LMNTD1: variants seen among roughly 807,000 people sequenced by gnomAD.
LMNTD1 encodes lamin tail domain containing 1, also known as lamin tail domain-containing protein 1.
A neutral mutation model predicts 50.9 loss-of-function variants in LMNTD1; 35 were observed. The observed-to-expected ratio is 0.69, with a 90% confidence interval of 0.53 to 0.91. The LOEUF is 0.91. LMNTD1 is among the 40% of genes least tolerant of loss of function. The pLI is 0.00. For synonymous variants in LMNTD1, 153 were observed against 161.9 expected (o/e 0.94, Z 0.42); for missense variants, 470 against 475.5 (o/e 0.99, Z 0.11).
chr12:25,476,609 G>T (rs1281868961), intron 9 of LMNTD1, 149 bp from the exon 10 acceptor site: 2 of 152,166 alleles, frequency 1.3e-5, no homozygotes, highest in Non-Finnish European at 2.9e-5. Flanking sequence ...TACAGATAAA[G>T]AAATCAAAGA....
intron 4 of LMNTD1, among the ~76,000 whole-genome samples, chr12:25,533,407 C>T (rs1051340192): frequency 1.3e-5 from 2 of 152,160 alleles, no homozygotes; most frequent in Non-Finnish European, 2.9e-5. Context: ...GGCTAAGTCA[C>T]TTTTTAAACA....
intron 4 of LMNTD1, among the ~76,000 whole-genome samples, chr12:25,541,454 A>C (rs943760156): frequency 5.2e-5 from 7 of 135,418 alleles, no homozygotes; most frequent in African/African-American, 1.1e-4. Flanking sequence ...AAACCTGAGA[A>C]AAACAAGCAA....
chr12:25,566,959 T>C (rs757375368), intron 1 of LMNTD1, among the ~76,000 whole-genome samples: 1 of 152,120 alleles, frequency 6.6e-6, no homozygotes, highest in Non-Finnish European at 1.5e-5. Context: ...ATGGAAGAAA[T>C]TGGGAGAATG....
chr12:25,516,574 A>G (rs1940792756), intron 8 of LMNTD1, among the ~76,000 whole-genome samples: 1 of 152,190 alleles, frequency 6.6e-6, no homozygotes, highest in South Asian at 2.1e-4. Context: ...CATCTATCTA[A>G]TATATCTATA....
intron 8 of LMNTD1, among the ~76,000 whole-genome samples, chr12:25,513,591 G>A (rs745829771): frequency 1.2e-4 from 19 of 152,302 alleles, no homozygotes; most frequent in Non-Finnish European, 2.4e-4. Flanking sequence ...AGCTGATACC[G>A]TGCTACTGCA....
At chr12:25,544,789 T>C (rs1943321724) in intron 4 of LMNTD1, among the ~76,000 whole-genome samples, 1 of 151,650 alleles carries the variant, frequency 6.6e-6, no homozygotes, top group Non-Finnish European at 1.5e-5. Flanking sequence ...TTTAAAGAGA[T>C]GAATACTTAC....
chr12:25,521,618 A>G (rs898428964), intron 6 of LMNTD1, among the ~76,000 whole-genome samples: 11 of 152,176 alleles, frequency 7.2e-5, no homozygotes, highest in African/African-American at 2.4e-4. Flanking sequence ...GGTATTGGGA[A>G]CTGCTTTATT....
At chr12:25,505,557 A>T (rs887774827) in intron 8 of LMNTD1, among the ~76,000 whole-genome samples, 72 of 152,130 alleles carry the variant, frequency 4.7e-4, no homozygotes, top group African/African-American at 1.7e-3. Context: ...TTTTAATCTA[A>T]ATTTTCTGAA....
At position 25,539,953 on chromosome 12, in the gene LMNTD1, A is replaced by G. The variant is rs1249474073; in HGVS notation, c.491+6421T>C. Among the ~76,000 whole-genome samples, 91 of 151,606 alleles carry G rather than the reference A, an allele frequency of 6.0e-4. No homozygotes were observed. The South Asian group carries it at 0.017, about 29-fold the overall frequency. On this transcript the variant is annotated intron_variant, in intron 4 of 9. Coordinates refer to ENST00000458174, the MANE Select transcript of LMNTD1 (RefSeq NM_001145728.2). ...CAGAGAATACTACAAACACCTCTACACAAATAAACTAGAAAATCTAGAAGA... is the reference window on the plus strand; with the variant it reads ...CAGAGAATACTACAAACACCTCTACGCAAATAAACTAGAAAATCTAGAAGA...
At chr12:25,484,766 C>G (rs200369338) in intron 9 of LMNTD1, among the ~76,000 whole-genome samples, 2,456 of 144,698 alleles carry the variant, frequency 0.017, 90 homozygotes, top group East Asian at 0.15. Context: ...TTGGTTTTTT[C>G]TTCTTGCGAT....
chr12:25,635,064 A>AC (rs1443173782), intron 1 of LMNTD1, among the ~76,000 whole-genome samples: 4 of 151,666 alleles, frequency 2.6e-5, no homozygotes, highest in African/African-American at 9.7e-5. Flanking sequence ...ACATGGAGAA[A>AC]CCCCCATCTC....
intron 1 of LMNTD1, among the ~76,000 whole-genome samples, chr12:25,564,080 C>A (rs1299692097): frequency 6.6e-6 from 1 of 152,174 alleles, no homozygotes; most frequent in African/African-American, 2.4e-5. Context: ...AAAGGGAATT[C>A]CCTGACCCCT....
At chr12:25,484,372 A>G (rs1591816964) in intron 9 of LMNTD1, among the ~76,000 whole-genome samples, 1 of 151,924 alleles carries the variant, frequency 6.6e-6, no homozygotes. Flanking sequence ...GTGCTGGGAT[A>G]ACAGGTGTGA....
chr12:25,590,959 C>CT (rs1945678452), intron 1 of LMNTD1, among the ~76,000 whole-genome samples: 2 of 152,258 alleles, frequency 1.3e-5, no homozygotes, highest in Non-Finnish European at 2.9e-5. Flanking sequence ...GAGTAAGACT[C>CT]TAACACTGGC....
chr12:25,553,130 C>G lies in LMNTD1; in HGVS notation c.-92G>C. ...TAATAATTTCTTTACCAAACTAGTACCAGAACCACAATTCTCATGAGGATA... is the reference window on the plus strand; with the variant it reads ...TAATAATTTCTTTACCAAACTAGTAGCAGAACCACAATTCTCATGAGGATA... On this transcript the variant is annotated 5_prime_UTR_variant, in exon 1 of 10. Transcript: ENST00000458174. 6.2e-7 allele frequency: 1 copy of G among 1,612,010 alleles called. No individual in the cohort carries two copies.
At chr12:25,624,903 T>C (rs905394731) in intron 1 of LMNTD1, among the ~76,000 whole-genome samples, 9 of 152,248 alleles carry the variant, frequency 5.9e-5, no homozygotes, top group African/African-American at 1.9e-4. Context: ...CAAATTGCCT[T>C]TGCAATGCAA....
At position 25,574,235 on chromosome 12, in the gene LMNTD1, C is replaced by T. The variant is rs1944907677; in HGVS notation, c.59-27681G>A. 2.0e-5 allele frequency among the ~76,000 whole-genome samples: 3 copies of T among 152,164 alleles called. No individual in the cohort carries two copies. In the South Asian group the frequency reaches 6.2e-4, roughly 32 times the overall value. ...ATCTCCATGACAACTCCCATCTGTT[C>T]CTCCATTACCTAGCTCAAACAAAAT... is the stretch of plus-strand genomic sequence containing the variant. On this transcript the variant is annotated intron_variant, in intron 1 of 7. Coordinates refer to the LMNTD1 transcript ENST00000445693.
chr12:25,557,826 A>G (rs1944104291), upstream of LMNTD1, among the ~76,000 whole-genome samples: 1 of 152,198 alleles, frequency 6.6e-6, no homozygotes, highest in Non-Finnish European at 1.5e-5. Flanking sequence ...TATTGATATA[A>G]ATTTGCAGTT....
intron 4 of LMNTD1, among the ~76,000 whole-genome samples, chr12:25,529,799 A>G (rs1377193908): frequency 6.6e-6 from 1 of 152,040 alleles, no homozygotes; most frequent in Non-Finnish European, 1.5e-5. Context: ...ATTTCCTTCT[A>G]TAGAAAACAC....
Sources: allele counts gnomAD v4.1 joint callset (sites outside exome capture counted in the v4.1 genomes callset), GRCh38; gene constraint gnomAD v4.1.1; transcripts MANE v1.5; gene names NCBI Gene and HGNC (gene_info 2026-07-23, HGNC 2026-07-21).